Variants in PARVB observed in about 807,000 individuals in gnomAD.
PARVB encodes the protein beta-parvin.
Under a neutral mutation model 47.0 loss-of-function variants are expected in PARVB, and 46 were observed. The observed-to-expected ratio is 0.98, with a 90% CI of 0.77 to 1.25. PARVB has a LOEUF of 1.25. Ranked by LOEUF, PARVB falls within the 50% of genes most tolerant of loss-of-function variation. The probability of loss-of-function intolerance (pLI) is 0.00; values close to 1 mark genes in which losing one functional copy is unlikely to be tolerated. For missense variants in PARVB, 473 were observed against 471.6 expected, an observed-to-expected ratio of 1.00 and a Z score of -0.03; for synonymous variants, 196 against 196.3, an observed-to-expected ratio of 1.00 and a Z score of 0.01.
chr22:44,069,262 T>G, intron 1 of PARVB: 1 of 1,106,916 alleles, frequency 9.0e-7, no homozygotes, highest in Non-Finnish European at 1.4e-6. Context: ...TTTGCAAGAA[T>G]GGACCCTGGG....
intron 1 of PARVB, among the ~76,000 whole-genome samples, chr22:44,032,621 G>C (rs2050845791): frequency 6.6e-6 from 1 of 152,150 alleles, no homozygotes; most frequent in Non-Finnish European, 1.5e-5. Flanking sequence ...GTGGTGTAAG[G>C]AAGGAAAGCC....
chr22:44,154,835 TGTG>T (rs1284607720), intron 10 of PARVB, among the ~76,000 whole-genome samples: 18 of 137,312 alleles, frequency 1.3e-4, no homozygotes, highest in East Asian at 6.7e-4. Flanking sequence ...TGGTGTGTGT[TGTG>T]TGTGTGGTTT....
chr22:44,117,120 C>T (rs567174314), intron 3 of PARVB, among the ~76,000 whole-genome samples: 16 of 151,892 alleles, frequency 1.1e-4, no homozygotes, highest in African/African-American at 1.5e-4. Context: ...CTCACGGAAC[C>T]CCCTCTCCCC....
intron 7 of PARVB, chr22:44,139,876 A>G (rs1217604850): frequency 1.8e-6 from 1 of 545,508 alleles, no homozygotes; most frequent in East Asian, 3.0e-5. Flanking sequence ...GTTAATGTGC[A>G]AATAGAGATG....
chr22:44,172,632 G>A lies in PARVB; in HGVS notation c.*3954G>A, dbSNP rs2054279924. The A allele has an allele frequency of 4.1e-6, 1 of 242,040 alleles. No individual in the cohort carries two copies. 15.0% of individuals were successfully genotyped at this position (242,040 alleles called of 1,614,324 possible). On this transcript the variant is annotated 3_prime_UTR_variant, in exon 13 of 13. Transcript: ENST00000338758. ...TGGGCCGTGGTGTCCTAATTGTCTT[G>A]GTGACAAAGAGCAATTTTATTTTAA...
chr22:44,159,355 T>C (rs1038726302), intron 11 of PARVB, among the ~76,000 whole-genome samples: 1 of 152,168 alleles, frequency 6.6e-6, no homozygotes, highest in Non-Finnish European at 1.5e-5. Flanking sequence ...TTTGTACAAA[T>C]GTCAGAGGCA....
chr22:44,068,836 GCCTGGGCGCGCCCTT>G lies in PARVB; in HGVS notation c.113-25088_113-25074del. ...ACGTGCATCTTCAGTCAGCCCAGGG[GCCTGGGCGCGCCCTT>G]CCTTCCTTCTTTGTGCATGGGGGTT... On this transcript the variant is annotated intron_variant, in intron 1 of 12. Transcript: ENST00000338758. This position sits in a 1 kb window ranked among gnomAD's most constrained non-coding sequence, Gnocchi z 4.1. Among the ~76,000 whole-genome samples, 2 of 152,326 alleles carry G rather than the reference GCCTGGGCGCGCCCTT, an allele frequency of 1.3e-5. No homozygotes were observed. Among genetic ancestry groups the G allele is most frequent in the Middle Eastern group, 3.4e-3 (1 of 294 alleles).
upstream of PARVB, among the ~76,000 whole-genome samples, chr22:44,023,044 G>A (rs1295889811): frequency 6.6e-6 from 1 of 152,000 alleles, no homozygotes. Flanking sequence ...ACTGCACCTG[G>A]CCTACTCCTC....
rs776221951 is a variant in PARVB at position 44,157,986 on chromosome 22, C to T, written c.848C>T (p.Ala283Val). The change falls in exon 11 of 13, where the codon GCA becomes GTA. Residue 283 changes from alanine to valine, a missense_variant. Transcript: ENST00000338758. ...LEVTELETQFADGVYLVLLMG... is the reference protein window; with the variant it reads ...LEVTELETQFVDGVYLVLLMG... ...ATCACAAGTCTTTCTCTGCAGTTTGCAGATGGCGTGTACCTGGTTCTGCTC... is the reference window on the plus strand; with the variant it reads ...ATCACAAGTCTTTCTCTGCAGTTTGTAGATGGCGTGTACCTGGTTCTGCTC... The T allele has an allele frequency of 5.0e-6, 8 of 1,611,564 alleles. No individual in the cohort carries two copies. Among genetic ancestry groups the T allele is most frequent in the Non-Finnish European group, 5.9e-6 (7 of 1,177,828 alleles).
chr22:44,122,996 C>T (rs5764546), intron 4 of PARVB, among the ~76,000 whole-genome samples: 8,190 of 152,204 alleles, frequency 0.054, 342 homozygotes, highest in Middle Eastern at 0.092. Context: ...GAATTGTTGA[C>T]CTCAAGTGTA....
At chr22:44,128,262 C>T (rs936484495) in intron 4 of PARVB, among the ~76,000 whole-genome samples, 4 of 152,200 alleles carry the variant, frequency 2.6e-5, no homozygotes, top group African/African-American at 7.2e-5. Flanking sequence ...TGGTCACTCA[C>T]GGGCACACCC....
intron 12 of PARVB, 94 bp from the exon 13 acceptor site, chr22:44,168,508 G>C (rs1379036391): frequency 1.3e-5 from 11 of 822,180 alleles, no homozygotes; most frequent in Non-Finnish European, 2.1e-6. Context: ...GGATGCGGCA[G>C]CTGGTGTCAT....
chr22:44,100,719 T>A (rs2052423087), intron 3 of PARVB, among the ~76,000 whole-genome samples: 2 of 152,214 alleles, frequency 1.3e-5, no homozygotes, highest in South Asian at 4.1e-4. Flanking sequence ...GCGTGGCTCC[T>A]GCTCACCGTG....
At chr22:44,094,123 C>T (rs1416429025) in intron 2 of PARVB, 106 bp downstream of exon 2, 1 of 603,556 alleles carries the variant, frequency 1.7e-6, no homozygotes, top group Non-Finnish European at 2.9e-6. Context: ...GCCTCTTGAT[C>T]AGATGCTGGG....
intron 1 of PARVB, among the ~76,000 whole-genome samples, chr22:44,070,690 T>C (rs1262835352): frequency 6.6e-6 from 1 of 152,180 alleles, no homozygotes; most frequent in African/African-American, 2.4e-5. Flanking sequence ...TCAGGGACAA[T>C]AGACCTTGCA....
At chr22:44,130,124 C>G (rs1273992453) in intron 4 of PARVB, among the ~76,000 whole-genome samples, 1 of 152,202 alleles carries the variant, frequency 6.6e-6, no homozygotes, top group Non-Finnish European at 1.5e-5. Flanking sequence ...AACAGAAACC[C>G]CATTTGTGAC....
Position 44,168,603 on chromosome 22 carries a change from C to T in PARVB, c.1020C>T (p.Asp340=), listed in dbSNP as rs143916680. 1.0e-4 allele frequency: 168 copies of T among 1,608,344 alleles called. 2 individuals are homozygous for T. The highest frequency in any genetic ancestry group is 8.9e-4 in the East Asian group (40 of 44,844). ...AAGTTTCTCTGTTTCCTTCTGCAGA[C>T]GTGGTTAACTTGGACCTCAAATCCA... ...GLKKPKARPE[D]VVNLDLKSTL... Residue 340 remains aspartate (D), a splice_region_variant and synonymous_variant, in exon 13 of 13, where the codon GAC becomes GAT. Transcript: ENST00000338758.
chr22:44,151,561 G>C lies in PARVB; in HGVS notation c.843+10G>C, dbSNP rs370675906. The C allele has an allele frequency of 1.9e-6, 3 of 1,608,262 alleles. No individual in the cohort carries two copies. Among genetic ancestry groups the C allele is most frequent in the Non-Finnish European group, 2.6e-6 (3 of 1,174,736 alleles). On this transcript the variant is annotated intron_variant, in intron 10 of 12. Coordinates refer to ENST00000338758, the MANE Select transcript of PARVB (RefSeq NM_013327.5). ...GGAACTGGAGACCCAGGTATGTGCT[G>C]CTTTGGCTTGAAGGATCCTTTGTCC...
chr22:44,157,554 A>G (rs967536580), intron 10 of PARVB, among the ~76,000 whole-genome samples: 7 of 152,190 alleles, frequency 4.6e-5, no homozygotes, highest in Non-Finnish European at 8.8e-5. Flanking sequence ...TCTCCTGCCT[A>G]AAGTGAGAGG....
Sources: gnomAD v4.1 joint callset for allele counts (sites outside exome capture counted in the v4.1 genomes callset) on GRCh38, gnomAD v4.1.1 for gene constraint, Gnocchi (gnomAD v3.1) non-coding constraint, MANE v1.5 for transcripts, NCBI Gene and HGNC (gene_info 2026-07-23, HGNC 2026-07-21) for gene names.